Variants in ARB2A observed in about 807,000 individuals in gnomAD.
The protein encoded by ARB2A is ARB2 cotranscriptional regulator A.
At chr5:93,780,894 T>C in the ARB2A span, among the ~76,000 whole-genome samples, 1 of 152,162 alleles carries the variant, frequency 6.6e-6, no homozygotes, top group Non-Finnish European at 1.5e-5. Flanking sequence ...GTTACTAATA[T>C]TTAGAAATTA....
At chr5:93,807,593 G>C in the ARB2A span, among the ~76,000 whole-genome samples, 3 of 151,832 alleles carry the variant, frequency 2.0e-5, no homozygotes, top group African/African-American at 4.8e-5. Flanking sequence ...AGTTAGTAAA[G>C]ACAAGTGGTA....
At chr5:93,799,757 T>C in the ARB2A span, among the ~76,000 whole-genome samples, 20 of 152,120 alleles carry the variant, frequency 1.3e-4, no homozygotes, top group African/African-American at 4.8e-4. Flanking sequence ...GTTTATGAAC[T>C]GATAAGGTCT....
chr5:93,995,212 T>G, the ARB2A span, among the ~76,000 whole-genome samples: 15 of 152,322 alleles, frequency 9.8e-5, no homozygotes, highest in South Asian at 2.5e-3. Context: ...TAAGCTCACG[T>G]GTTGTGAGTA....
chr5:93,716,300 T>C, the ARB2A span, among the ~76,000 whole-genome samples: 88 of 152,292 alleles, frequency 5.8e-4, no homozygotes, highest in African/African-American at 2.0e-3. Flanking sequence ...CAAATTTAAA[T>C]AAAAATCTAG....
the ARB2A span, among the ~76,000 whole-genome samples, chr5:93,693,447 A>C: frequency 6.6e-6 from 1 of 152,194 alleles, no homozygotes; most frequent in Non-Finnish European, 1.5e-5. Flanking sequence ...TAACCTAGAA[A>C]ATATAGAAGA....
chr5:93,989,159 C>T, the ARB2A span, among the ~76,000 whole-genome samples: 1 of 151,802 alleles, frequency 6.6e-6, no homozygotes, highest in African/African-American at 2.4e-5. Context: ...CTGATGAAGT[C>T]GATGGACTCT....
At chr5:93,979,276 T>C in the ARB2A span, among the ~76,000 whole-genome samples, 2 of 152,162 alleles carry the variant, frequency 1.3e-5, no homozygotes, top group African/African-American at 4.8e-5. Context: ...TTATCCCCAG[T>C]GCAGTATGTT....
chr5:93,694,319 T>C, the ARB2A span, among the ~76,000 whole-genome samples: 760 of 152,312 alleles, frequency 5.0e-3, 6 homozygotes, highest in African/African-American at 0.017. Flanking sequence ...CCCCTTAAGC[T>C]GATAAGCAAC....
chr5:93,741,552 GT>G, the ARB2A span: 1 of 1,569,878 alleles, frequency 6.4e-7, no homozygotes, highest in Non-Finnish European at 8.6e-7. Context: ...TTGAGGGCCT[GT>G]GTCCGGCCAT....
the ARB2A span, among the ~76,000 whole-genome samples, chr5:93,932,794 C>G: frequency 6.6e-6 from 1 of 152,124 alleles, no homozygotes; most frequent in Non-Finnish European, 1.5e-5. Flanking sequence ...GCTGAAGATT[C>G]AATGCTAAAT....
At chr5:93,934,571 G>A in the ARB2A span, among the ~76,000 whole-genome samples, 1 of 152,152 alleles carries the variant, frequency 6.6e-6, no homozygotes, top group East Asian at 1.9e-4. Context: ...TTAGATATGG[G>A]CATGTGTGTG....
At chr5:93,619,004 A>G in the ARB2A span, 1 of 152,182 alleles carries the variant, frequency 6.6e-6, no homozygotes, top group South Asian at 2.1e-4. Context: ...TCCTGTCAAC[A>G]TTTTCTTATA....
the ARB2A span, chr5:93,743,633 T>A: frequency 1.3e-6 from 1 of 789,690 alleles, no homozygotes; most frequent in Non-Finnish European, 1.5e-6. Flanking sequence ...GCAATATATA[T>A]GCTAAGGTCC....
chr5:93,902,893 A>G, the ARB2A span, among the ~76,000 whole-genome samples: 2 of 152,066 alleles, frequency 1.3e-5, no homozygotes, highest in African/African-American at 4.8e-5. Context: ...ACCATATTCA[A>G]TCTCAAACAT....
the ARB2A span, among the ~76,000 whole-genome samples, chr5:93,919,169 G>C: frequency 2.0e-5 from 3 of 152,120 alleles, no homozygotes; most frequent in Non-Finnish European, 4.4e-5. Flanking sequence ...CTTCAACTGT[G>C]TACGAATTCA....
chr5:93,892,391 G>T, the ARB2A span, among the ~76,000 whole-genome samples: 7 of 152,068 alleles, frequency 4.6e-5, no homozygotes, highest in Non-Finnish European at 1.0e-4. Flanking sequence ...ATACAAAAGA[G>T]AATACAAAAA....
the ARB2A span, among the ~76,000 whole-genome samples, chr5:93,919,759 T>G: frequency 1.3e-5 from 2 of 152,166 alleles, no homozygotes; most frequent in Non-Finnish European, 1.5e-5. Flanking sequence ...CTTTTCCTCC[T>G]TTTTACTATA....
chr5:93,634,277 G>A, the ARB2A span, among the ~76,000 whole-genome samples: 11 of 151,856 alleles, frequency 7.2e-5, no homozygotes, highest in East Asian at 5.9e-4. Context: ...GTGCGGGCCC[G>A]TAGTCCCAGC....
chr5:93,847,635 C>T, the ARB2A span, among the ~76,000 whole-genome samples: 12 of 152,194 alleles, frequency 7.9e-5, 1 homozygote, highest in African/African-American at 2.9e-4. Context: ...ATTATAGCAG[C>T]TAACATTTAT....
Sources: gnomAD v4.1 joint callset for allele counts (sites outside exome capture counted in the v4.1 genomes callset) on GRCh38, gnomAD v4.1.1 for gene constraint, MANE v1.5 for transcripts, NCBI Gene and HGNC (gene_info 2026-07-23, HGNC 2026-07-21) for gene names.